Variants in KDM2B observed in about 807,000 individuals in gnomAD.
KDM2B encodes lysine demethylase 2B, also known as lysine-specific demethylase 2B.
In KDM2B, 26 loss-of-function variants were observed where a neutral mutation model predicts 150.0. That is an observed-to-expected ratio of 0.17 (90% CI 0.13 to 0.24). The LOEUF (loss-of-function observed/expected upper bound fraction) is 0.24. Among genes scored for constraint, KDM2B ranks in the 10% least tolerant of loss-of-function variants. KDM2B has a pLI of 1.00. For synonymous variants in KDM2B, 734 were observed against 729.5 expected (o/e 1.01, Z -0.10); for missense variants, 1,265 against 1,816.9 (o/e 0.70, Z 5.52).
At chr12:121,550,563 G>T (rs1352614764) in intron 4 of KDM2B, among the ~76,000 whole-genome samples, 1 of 151,952 alleles carries the variant, frequency 6.6e-6, no homozygotes, top group African/African-American at 2.4e-5. Context: ...GCACAATCTC[G>T]GCTCACTGCA....
chr12:121,469,910 A>C (rs1192183195), intron 12 of KDM2B: 2 of 152,172 alleles, frequency 1.3e-5, no homozygotes, highest in Non-Finnish European at 2.9e-5. Flanking sequence ...TAGCCTGGCC[A>C]ACAGAGTGAA....
At chr12:121,543,385 A>G (rs556183334) in intron 6 of KDM2B, among the ~76,000 whole-genome samples, 1 of 152,084 alleles carries the variant, frequency 6.6e-6, no homozygotes, top group Non-Finnish European at 1.5e-5. Flanking sequence ...AAAAACACTG[A>G]GTCCTAAGCC....
At chr12:121,506,627 C>T (rs782636430) in intron 11 of KDM2B, among the ~76,000 whole-genome samples, 2 of 151,804 alleles carry the variant, frequency 1.3e-5, no homozygotes, top group Admixed American at 6.6e-5. Context: ...CACGGTGAAA[C>T]CCCCATCTCT....
chr12:121,427,568 CAG>C (rs1234467204), downstream of KDM2B, among the ~76,000 whole-genome samples: 1 of 152,134 alleles, frequency 6.6e-6, no homozygotes, highest in African/African-American at 2.4e-5. Flanking sequence ...TAGGTCTGTA[CAG>C]AGACCATGGA....
intron 4 of KDM2B, among the ~76,000 whole-genome samples, chr12:121,565,227 A>G (rs1890615348): frequency 6.6e-6 from 1 of 152,186 alleles, no homozygotes; most frequent in African/African-American, 2.4e-5. Flanking sequence ...CACTGGCTTC[A>G]TAATAGACAC....
At chr12:121,516,444 A>T in intron 9 of KDM2B, 1 of 1,297,728 alleles carries the variant, frequency 7.7e-7, no homozygotes, top group Non-Finnish European at 1.0e-6. Flanking sequence ...TGCGGGAAAC[A>T]AAAATTTGCA....
At chr12:121,579,872 A>C in intron 1 of KDM2B, 1 of 1,416,582 alleles carries the variant, frequency 7.1e-7, no homozygotes, top group Non-Finnish European at 9.5e-7. Context: ...TTTTGCATGC[A>C]ATTTATTATA....
intron 12 of KDM2B, among the ~76,000 whole-genome samples, chr12:121,481,006 T>C (rs7980779): frequency 0.65 from 97,560 of 149,934 alleles, 33,701 homozygotes; most frequent in African/African-American, 0.9. Flanking sequence ...CAGCTCACTG[T>C]CACCTCCACC....
rs1167056214 is a variant in KDM2B at position 121,520,195 on chromosome 12, G to A, written c.1047+790C>T. 6.6e-6 allele frequency among the ~76,000 whole-genome samples: 1 copy of A among 152,046 alleles called. No homozygotes were observed. The highest frequency in any genetic ancestry group is 1.9e-4 in the East Asian group (1 of 5,180). On this transcript the variant is annotated intron_variant, in intron 9 of 22. Coordinates refer to ENST00000377071, the MANE Select transcript of KDM2B (RefSeq NM_032590.5). The surrounding 1 kb of genome is among the most constrained non-coding windows in gnomAD (Gnocchi z 4.5). ...CAAGAGCCACCGCGCCCGGCCCCAA[G>A]TCTTCAGTTTTGACCCAGTTTGGGA... is the stretch of plus-strand genomic sequence containing the variant.
intron 12 of KDM2B, among the ~76,000 whole-genome samples, chr12:121,455,651 G>C (rs1878119029): frequency 6.6e-6 from 1 of 152,184 alleles, no homozygotes; most frequent in African/African-American, 2.4e-5. Flanking sequence ...GTGGCAGTGA[G>C]CTGTGATCAT....
chr12:121,438,633 T>C (rs1874410996), intron 22 of KDM2B, among the ~76,000 whole-genome samples: 1 of 152,132 alleles, frequency 6.6e-6, no homozygotes, highest in Non-Finnish European at 1.5e-5. Flanking sequence ...GGAGAAGGAA[T>C]GGCTTCCTAG....
In KDM2B at chr12:121,443,731, G is replaced by T; in HGVS notation, c.2514C>A (p.Gly838=). 1 of 1,611,836 alleles carries T rather than the reference G, an allele frequency of 6.2e-7. No homozygotes were observed. ...ATCTCCACCAGGGGCTGAGGCTGCT[G>T]CCTAGAGGGGGCCTCGGCGAGAGGT... ...SSHLSPRPPL[G]SSLSPWWRSS... is the part of the protein sequence containing the mutation. The change falls in exon 17 of 23, where the codon GGC becomes GGA. Residue 838 remains glycine (G), a synonymous_variant. Coordinates refer to ENST00000377071, the MANE Select transcript of KDM2B (RefSeq NM_032590.5).
chr12:121,432,846 G>C (rs1555285864), intron 22 of KDM2B, among the ~76,000 whole-genome samples: 2 of 152,206 alleles, frequency 1.3e-5, no homozygotes, highest in Non-Finnish European at 2.9e-5. Context: ...TGTAATGTTT[G>C]CCTAGTTCCT....
intron 6 of KDM2B, among the ~76,000 whole-genome samples, chr12:121,535,350 T>C (rs1555308550): frequency 6.6e-6 from 1 of 151,986 alleles, no homozygotes; most frequent in East Asian, 1.9e-4. Context: ...GTATACAAAA[T>C]GTGCAGAGTA....
At chr12:121,450,524 T>C (rs1358607598) in intron 13 of KDM2B, among the ~76,000 whole-genome samples, 1 of 151,824 alleles carries the variant, frequency 6.6e-6, no homozygotes, top group East Asian at 1.9e-4. Flanking sequence ...AAAAACAAAC[T>C]GAAAGCCCAT....
chr12:121,415,210 A>G, the KDM2B span: 1 of 220,668 alleles, frequency 4.5e-6, no homozygotes, highest in South Asian at 5.0e-5. Context: ...AAATCTAGAG[A>G]GAGTTTCAGT....
intron 9 of KDM2B, among the ~76,000 whole-genome samples, chr12:121,517,652 G>A (rs564249942): frequency 3.3e-5 from 5 of 151,442 alleles, no homozygotes; most frequent in African/African-American, 4.8e-5. Context: ...TATTTTTTTA[G>A]TAGAGATGGG....
In KDM2B at chr12:121,513,776, T is replaced by C. The variant is rs1566361089; in HGVS notation, c.1048-374A>G. On this transcript the variant is annotated intron_variant, in intron 9 of 22. Transcript: ENST00000377071. This position sits in a 1 kb window ranked among gnomAD's most constrained non-coding sequence, Gnocchi z 5.0. ...TGCCTGATTCTAGCTACAACAGACA[T>C]AGGTTCCTCCTTGTTTCTGAAAATT... Among the ~76,000 whole-genome samples the C allele has an allele frequency of 1.3e-5, 2 of 152,160 alleles. No individual in the cohort carries two copies. Among genetic ancestry groups the C allele is most frequent in the Non-Finnish European group, 2.9e-5 (2 of 68,022 alleles).
intron 4 of KDM2B, among the ~76,000 whole-genome samples, chr12:121,559,447 T>C (rs782536904): frequency 1.3e-5 from 2 of 151,988 alleles, no homozygotes; most frequent in Non-Finnish European, 2.9e-5. Context: ...AATGGACAGG[T>C]CACCTGTTCA....
Sources: gnomAD v4.1 joint callset for allele counts (sites outside exome capture counted in the v4.1 genomes callset) on GRCh38, gnomAD v4.1.1 for gene constraint, Gnocchi (gnomAD v3.1) non-coding constraint, MANE v1.5 for transcripts, NCBI Gene and HGNC (gene_info 2026-07-23, HGNC 2026-07-21) for gene names.